The following KCTD20 variants were observed in gnomAD, a reference collection of about 807,000 sequenced individuals.
The protein encoded by KCTD20 is potassium channel tetramerization domain containing 20.
Under a neutral mutation model 39.6 loss-of-function variants are expected in KCTD20, and 30 were observed. The observed-to-expected ratio is 0.76, with a 90% CI of 0.57 to 1.03. KCTD20 has a LOEUF of 1.03. Ranked by LOEUF, KCTD20 falls within the 50% of genes least tolerant of loss-of-function variation. KCTD20 has a pLI of 0.00. For missense variants in KCTD20, 422 were observed against 522.0 expected, an observed-to-expected ratio of 0.81 and a Z score of 1.87; for synonymous variants, 162 against 180.6, an observed-to-expected ratio of 0.90 and a Z score of 0.83.
At chr6:36,464,239 G>A (rs1775678159) in intron 1 of KCTD20, among the ~76,000 whole-genome samples, 2 of 152,208 alleles carry the variant, frequency 1.3e-5, no homozygotes, top group Admixed American at 1.3e-4. Flanking sequence ...GAATTTCAAT[G>A]TGAAGGAAAA....
rs1215358325 is a variant in KCTD20 at position 36,479,740 on chromosome 6, C to CTT, written c.658+30_658+31dup. 8.0e-6 allele frequency: 11 copies of CTT among 1,369,930 alleles called. No individual in the cohort carries two copies. The African/African-American group carries it at 1.5e-4, about 19-fold the overall frequency. The allele number at this position is 1,369,930 out of a possible 1,614,324, so 84.9% of individuals were successfully genotyped here. A position where few individuals can be genotyped will look rare whatever the true frequency, so the allele number is the denominator to read the frequency against. ...AGTACAGGAGCAGGTGCCAGCTGCA[C>CTT]TTAAGCAGCTGAACTTTCAGTTTTC... On this transcript the variant is annotated intron_variant, in intron 5 of 7. Transcript: ENST00000373731.
intron 1 of KCTD20, among the ~76,000 whole-genome samples, chr6:36,461,623 T>C (rs1257131066): frequency 6.6e-6 from 1 of 152,188 alleles, no homozygotes; most frequent in Non-Finnish European, 1.5e-5. Context: ...TCACATAGCC[T>C]TTTATGTGCA....
chr6:36,473,129 C>T (rs868417302), intron 2 of KCTD20, among the ~76,000 whole-genome samples: 1 of 151,538 alleles, frequency 6.6e-6, no homozygotes, highest in African/African-American at 2.4e-5. Context: ...GGCGCGATCT[C>T]GGCTCACTGC....
At chr6:36,450,869 T>C (rs956309204) in intron 1 of KCTD20, 12 of 152,266 alleles carry the variant, frequency 7.9e-5, no homozygotes, top group African/African-American at 2.9e-4. Context: ...TTAAACTGTT[T>C]CAAGCAGTTT....
In KCTD20 at chr6:36,483,939, A is replaced by ATT. The variant is rs148413365; in HGVS notation, c.857-759_857-758dup. ...TTTCTTATTTCATGAGTGAGGCTGAATTTTTTTTTTTTTTTTTGAGATGGT... is the reference window on the plus strand; with the variant it reads ...TTTCTTATTTCATGAGTGAGGCTGAATTTTTTTTTTTTTTTTTTTGAGATGGT... On this transcript the variant is annotated intron_variant, in intron 6 of 7. Transcript: ENST00000373731. Among the ~76,000 whole-genome samples, 614 of 135,950 alleles carry ATT rather than the reference A, an allele frequency of 4.5e-3. 6 individuals are homozygous for ATT. Among genetic ancestry groups the ATT allele is most frequent in the African/African-American group, 9.1e-3 (327 of 36,122 alleles). The allele number at this position is 135,950 out of a possible 152,430, so 89.2% of individuals were successfully genotyped here. A position where few individuals can be genotyped will look rare whatever the true frequency, so the allele number is the denominator to read the frequency against.
intron 4 of KCTD20, 27 bp from the exon 5 acceptor site, chr6:36,479,564 C>A: frequency 3.8e-6 from 6 of 1,590,958 alleles, no homozygotes; most frequent in Non-Finnish European, 5.1e-6. Flanking sequence ...TCTCTGCCTA[C>A]ATTTTTTCTT....
At chr6:36,452,165 T>G (rs1775276375) in intron 1 of KCTD20, among the ~76,000 whole-genome samples, 1 of 151,240 alleles carries the variant, frequency 6.6e-6, no homozygotes, top group African/African-American at 2.4e-5. Flanking sequence ...AAACCAATCT[T>G]TGCCATAATG....
intron 1 of KCTD20, among the ~76,000 whole-genome samples, chr6:36,468,372 T>C (rs1351893148): frequency 1.3e-5 from 2 of 152,190 alleles, no homozygotes; most frequent in East Asian, 3.8e-4. Context: ...GTCTAGTCCA[T>C]ACAAGTTCTC....
At chr6:36,482,931 G>C (rs551940771) in intron 6 of KCTD20, among the ~76,000 whole-genome samples, 2 of 133,768 alleles carry the variant, frequency 1.5e-5, no homozygotes, top group Non-Finnish European at 1.5e-5. Context: ...GAGTGACAGA[G>C]CAAGACTACG....
Position 36,469,368 on chromosome 6 carries a change from G to C in KCTD20, c.-46-684G>C, listed in dbSNP as rs1775847249. On this transcript the variant is annotated intron_variant, in intron 1 of 7. Coordinates refer to ENST00000373731, the MANE Select transcript of KCTD20 (RefSeq NM_173562.5). The surrounding 1 kb of genome is among the most constrained non-coding windows in gnomAD (Gnocchi z 4.6). ...CATCTCCATCCTGCCTCATCACTGG[G>C]GGTCTTGCACGTGGCAGTCACATAG... Among the ~76,000 whole-genome samples, 1 of 152,160 alleles carries C rather than the reference G, an allele frequency of 6.6e-6. No individual in the cohort carries two copies. The highest frequency in any genetic ancestry group is 1.5e-5 in the Non-Finnish European group (1 of 68,040).
chr6:36,486,345 C>T (rs1386507500), intron 7 of KCTD20, among the ~76,000 whole-genome samples: 1 of 152,186 alleles, frequency 6.6e-6, no homozygotes, highest in East Asian at 1.9e-4. Context: ...TAATAGATAA[C>T]GGCCTCCCTC....
intron 1 of KCTD20, among the ~76,000 whole-genome samples, chr6:36,467,933 T>A (rs1000003914): frequency 3.3e-5 from 5 of 152,294 alleles, no homozygotes; most frequent in African/African-American, 1.2e-4. Flanking sequence ...ATTTGTGTGT[T>A]TTTTAAAAAC....
At chr6:36,448,736 C>A (rs1413377031) in intron 1 of KCTD20, among the ~76,000 whole-genome samples, 2 of 152,212 alleles carry the variant, frequency 1.3e-5, no homozygotes, top group Non-Finnish European at 2.9e-5. Flanking sequence ...CCAGTGGGTT[C>A]TTGGTCTCAC....
intron 1 of KCTD20, among the ~76,000 whole-genome samples, chr6:36,450,725 A>G (rs1775227390): frequency 6.6e-6 from 1 of 152,156 alleles, no homozygotes; most frequent in African/African-American, 2.4e-5. Flanking sequence ...TGTGCTTGAA[A>G]AACTATTCCA....
chr6:36,474,855 A>C lies in KCTD20; in HGVS notation c.227A>C (p.Glu76Ala). 6.2e-7 allele frequency: 1 copy of C among 1,614,184 alleles called. No individual in the cohort carries two copies. Among genetic ancestry groups the C allele is most frequent in the Non-Finnish European group, 8.5e-7 (1 of 1,180,036 alleles). ...TTCCCTCACATAATGCCCCTTGCTGAAGACATCAAAGGTTCTTGCTTCCAA... is the reference window on the plus strand; with the variant it reads ...TTCCCTCACATAATGCCCCTTGCTGCAGACATCAAAGGTTCTTGCTTCCAA... ...LQFPHIMPLA[E>A]DIKGSCFQSG... The change falls in exon 3 of 8, where the codon GAA becomes GCA. Residue 76 changes from glutamate (E) to alanine (A), a missense_variant. Physicochemically the swap from Glu to Ala is moderately radical, Grantham distance 107. Coordinates refer to ENST00000373731, the MANE Select transcript of KCTD20 (RefSeq NM_173562.5).
chr6:36,486,755 T>C (rs1426640790), intron 7 of KCTD20, 128 bp from the exon 8 acceptor site: 2 of 751,236 alleles, frequency 2.7e-6, no homozygotes, highest in Admixed American at 2.2e-5. Flanking sequence ...GGACAGGGAC[T>C]GGTCACTTCG....
chr6:36,474,038 T>A (rs1775990039), intron 2 of KCTD20, among the ~76,000 whole-genome samples: 1 of 152,196 alleles, frequency 6.6e-6, no homozygotes, highest in Admixed American at 6.5e-5. Context: ...ACTATCATTA[T>A]CCCTTCTGAA....
rs953040571 is a variant in KCTD20 at position 36,469,044 on chromosome 6, G to A, written c.-46-1008G>A. On this transcript the variant is annotated intron_variant, in intron 1 of 7. Coordinates refer to ENST00000373731, the MANE Select transcript of KCTD20 (RefSeq NM_173562.5). This position sits in a 1 kb window ranked among gnomAD's most constrained non-coding sequence, Gnocchi z 4.6. The stretch of plus-strand genomic sequence containing the variant: ...GTTTATTTTTTATAGATGTTTATTG[G>A]CACCTACCACATGCTTGGTATGCCA... 5.3e-5 allele frequency among the ~76,000 whole-genome samples: 8 copies of A among 151,976 alleles called. No individual in the cohort carries two copies. Among genetic ancestry groups the A allele is most frequent in the Non-Finnish European group, 1.2e-4 (8 of 68,004 alleles).
chr6:36,444,030 C>G (rs1329297077), intron 1 of KCTD20, among the ~76,000 whole-genome samples: 5 of 152,192 alleles, frequency 3.3e-5, no homozygotes, highest in Non-Finnish European at 5.9e-5. Context: ...CAGAGGACTT[C>G]CGCTCAAGGC....
Sources: allele counts gnomAD v4.1 joint callset (sites outside exome capture counted in the v4.1 genomes callset), GRCh38; gene constraint gnomAD v4.1.1; non-coding constraint Gnocchi (gnomAD v3.1); transcripts MANE v1.5; gene names NCBI Gene and HGNC (gene_info 2026-07-23, HGNC 2026-07-21).